Variants in MAPKAPK5 observed in about 807,000 individuals in gnomAD.
MAPKAPK5 encodes the protein MAP kinase-activated protein kinase 5.
Under a neutral mutation model 65.1 loss-of-function variants are expected in MAPKAPK5, and 30 were observed. That is an observed-to-expected ratio of 0.46 (90% confidence interval 0.34 to 0.63). MAPKAPK5 has a LOEUF of 0.63. Among genes scored for constraint, MAPKAPK5 ranks in the 20% least tolerant of loss-of-function variants. The pLI is 0.01. For missense variants in MAPKAPK5, 433 were observed against 581.4 expected (o/e 0.74, Z 2.63); for synonymous variants, 179 against 204.6 (o/e 0.87, Z 1.07).
chr12:111,874,173 T>G (rs2069876478), intron 7 of MAPKAPK5, among the ~76,000 whole-genome samples: 1 of 152,078 alleles, frequency 6.6e-6, no homozygotes, highest in Non-Finnish European at 1.5e-5. Context: ...GGCAGGCGGA[T>G]CACCTGAGGT....
intron 5 of MAPKAPK5, among the ~76,000 whole-genome samples, chr12:111,869,252 A>T (rs2069704502): frequency 6.6e-6 from 1 of 152,186 alleles, no homozygotes. Context: ...ATTTTAAGAG[A>T]ATTGTACATA....
chr12:111,887,170 G>C (rs1339853881), intron 10 of MAPKAPK5, among the ~76,000 whole-genome samples: 2 of 152,190 alleles, frequency 1.3e-5, no homozygotes, highest in Non-Finnish European at 2.9e-5. Flanking sequence ...GCTTTGAAGG[G>C]GTAGGGTGGA....
chr12:111,880,572 C>A (rs2070163598), intron 8 of MAPKAPK5, 45 bp downstream of exon 8: 1 of 1,554,280 alleles, frequency 6.4e-7, no homozygotes, highest in Non-Finnish European at 8.9e-7. Flanking sequence ...TGCAGCCCCT[C>A]TCCTTTAGTG....
At position 111,867,606 on chromosome 12, in the gene MAPKAPK5, A is replaced by G; in HGVS notation, c.221A>G (p.Asn74Ser). ...RLHMMCATHP[N>S]IVQIIEVFAN... The stretch of plus-strand genomic sequence containing the variant: ...CACATGATGTGTGCCACACACCCAA[A>G]CATAGTTCAGATTATTGAAGTGTTT... The change falls in exon 4 of 14, where the codon AAC becomes AGC. Residue 74 changes from asparagine (N) to serine (S), a missense_variant. Asn to Ser is a conservative substitution (Grantham distance 46). Transcript: ENST00000550735. 6.2e-7 allele frequency: 1 copy of G among 1,613,992 alleles called. No individual in the cohort carries two copies. The highest frequency in any genetic ancestry group is 8.5e-7 in the Non-Finnish European group (1 of 1,179,892).
chr12:111,850,535 G>C (rs1167610126), intron 1 of MAPKAPK5, among the ~76,000 whole-genome samples: 1 of 152,168 alleles, frequency 6.6e-6, no homozygotes, highest in Non-Finnish European at 1.5e-5. Context: ...AAATGTCAGG[G>C]TAACAGGAGA....
intron 1 of MAPKAPK5, chr12:111,842,976 T>A: frequency 2.4e-6 from 1 of 415,966 alleles, no homozygotes. Flanking sequence ...CCCGCCAGCT[T>A]CCCTGGTGAG....
chr12:111,865,703 G>A (rs2136104683), intron 2 of MAPKAPK5, among the ~76,000 whole-genome samples: 1 of 152,070 alleles, frequency 6.6e-6, no homozygotes, highest in South Asian at 2.1e-4. Context: ...AGGTGTGGTG[G>A]TGGGTGCCTG....
chr12:111,867,052 C>T (rs955218444), intron 3 of MAPKAPK5, among the ~76,000 whole-genome samples: 1 of 152,172 alleles, frequency 6.6e-6, no homozygotes, highest in African/African-American at 2.4e-5. Context: ...ACCTCAGCCT[C>T]CTGAGTAGCT....
At chr12:111,865,834 CAAAAAAAAAAA>C (rs1157723498) in intron 2 of MAPKAPK5, among the ~76,000 whole-genome samples, 16 of 57,420 alleles carry the variant, frequency 2.8e-4, no homozygotes, top group African/African-American at 6.3e-4. Context: ...GATTCTGTCT[CAAAAAAAAAAA>C]AAAAAAAAAA....
chr12:111,880,646 A>G (rs771512130), intron 8 of MAPKAPK5, 119 bp downstream of exon 8: 12 of 805,964 alleles, frequency 1.5e-5, no homozygotes, highest in Non-Finnish European at 2.2e-5. Flanking sequence ...TTCCTGCCCC[A>G]AAGAAGCAGC....
chr12:111,885,933 C>T lies in MAPKAPK5; in HGVS notation c.866C>T (p.Pro289Leu), dbSNP rs564949554. 1.5e-5 allele frequency: 24 copies of T among 1,613,902 alleles called. No homozygotes were observed. The highest frequency in any genetic ancestry group is 5.5e-5 in the South Asian group (5 of 91,084). Residue 289 changes from proline to leucine, a missense_variant, in exon 10 of 14, where the codon CCG (proline) becomes CTG (leucine). Coordinates refer to ENST00000550735, the MANE Select transcript of MAPKAPK5 (RefSeq NM_003668.4). ...CTCCACAGGCTCCTGAAGGTCAAAC[C>T]GGAGGAGAGACTCACCATCGAGGGA... ...DVVRKLLKVKPEERLTIEGVL... is the reference protein window; with the variant it reads ...DVVRKLLKVKLEERLTIEGVL...
At position 111,888,983 on chromosome 12, in the gene MAPKAPK5, G is replaced by A. The variant is rs1312314684; in HGVS notation, c.1199G>A (p.Cys400Tyr). 6.3e-7 allele frequency: 1 copy of A among 1,590,610 alleles called. No individual in the cohort carries two copies. The highest frequency in any genetic ancestry group is 1.8e-5 in the Admixed American group (1 of 55,606). The change falls in exon 12 of 14, where the codon TGT (cysteine) becomes TAT (tyrosine). Residue 400 changes from cysteine (C) to tyrosine (Y), a missense_variant. This residue lies in a region of MAPKAPK5 where 169 missense variants were observed against 215.6 expected (regional missense o/e 0.78). Transcript: ENST00000550735. Reference sequence around the variant, plus strand: ...AAACTCCGAGATGTGATTGCTCAGTGTATTCTCCCCCAGGCTGGTAAAGGT... The same window carrying A: ...AAACTCCGAGATGTGATTGCTCAGTATATTCTCCCCCAGGCTGGTAAAGGT... ...LEKLRDVIAQ[C>Y]ILPQAGENED...
chr12:111,892,485 T>G (rs1388081357), intron 13 of MAPKAPK5, among the ~76,000 whole-genome samples: 2 of 152,220 alleles, frequency 1.3e-5, no homozygotes, highest in Admixed American at 1.3e-4. Flanking sequence ...CTGGTTAGTT[T>G]GTAGGTGGTA....
rs1415225165 is a variant in MAPKAPK5 at position 111,900,185 on chromosome 12, A to AC, written c.*7125dup. On this transcript the variant is annotated 3_prime_UTR_variant, in exon 14 of 14. Transcript: ENST00000550735. ...CACTCAGGAATTTCAATCACTGGAGACAAGAGATGCTCTTCCATCGTGCAA... is the reference window on the plus strand; with the variant it reads ...CACTCAGGAATTTCAATCACTGGAGACCAAGAGATGCTCTTCCATCGTGCAA... 1.1e-5 allele frequency: 5 copies of AC among 455,912 alleles called. No homozygotes were observed. Among genetic ancestry groups the AC allele is most frequent in the South Asian group, 7.7e-5 (5 of 64,552 alleles). 28.2% of individuals were successfully genotyped at this position (455,912 alleles called of 1,614,324 possible).
At chr12:111,868,232 G>GT (rs890968692) in intron 4 of MAPKAPK5, among the ~76,000 whole-genome samples, 5 of 152,098 alleles carry the variant, frequency 3.3e-5, no homozygotes, top group Admixed American at 6.6e-5. Context: ...ATAAGGTATG[G>GT]TTTTTTTGGG....
At chr12:111,884,241 C>T (rs1207139410) in intron 9 of MAPKAPK5, among the ~76,000 whole-genome samples, 3 of 152,230 alleles carry the variant, frequency 2.0e-5, no homozygotes, top group African/African-American at 2.4e-5. Context: ...GATGGAGTCT[C>T]GCTCTGTTGC....
chr12:111,901,626 C>A lies in MAPKAPK5; in HGVS notation c.*8565C>A. 14 of 261,238 alleles carry A rather than the reference C, an allele frequency of 5.4e-5. No homozygotes were observed. Among genetic ancestry groups the A allele is most frequent in the Non-Finnish European group, 8.4e-5 (11 of 131,440 alleles). The allele number at this position is 261,238 out of a possible 1,614,324, so 16.2% of individuals were successfully genotyped here. On this transcript the variant is annotated 3_prime_UTR_variant, in exon 14 of 14. Transcript: ENST00000550735. ...ATAAAGCCAGAAGCAGCAGAAGTGG[C>A]CACAGAAGAAAAAGAAGAGAAGGAG...
rs549292736 is a variant in MAPKAPK5, at chr12:111,882,614, T to C, written c.661-967T>C. ...CTGCATTTAACTAAAATAGGAGTCC[T>C]TTATGCAGTGATATAGGCCATGGAG... On this transcript the variant is annotated intron_variant, in intron 8 of 13. Transcript: ENST00000550735. Among the ~76,000 whole-genome samples, 5 of 152,302 alleles carry C rather than the reference T, an allele frequency of 3.3e-5. No homozygotes were observed. The East Asian group carries it at 9.6e-4, about 29-fold the overall frequency.
chr12:111,879,620 C>A (rs936426163), intron 7 of MAPKAPK5: 3 of 152,268 alleles, frequency 2.0e-5, no homozygotes, highest in African/African-American at 7.2e-5. Flanking sequence ...GAACTCCTGA[C>A]CTCATGATCT....
Sources: allele counts gnomAD v4.1 joint callset (sites outside exome capture counted in the v4.1 genomes callset), GRCh38; gene constraint gnomAD v4.1.1; regional missense constraint gnomAD v4.1.1; transcripts MANE v1.5; gene names NCBI Gene and HGNC (gene_info 2026-07-23, HGNC 2026-07-21).